The following CTNNA3 variants were observed in gnomAD, a reference collection of about 807,000 sequenced individuals.
CTNNA3 encodes the protein catenin alpha 3, also known as catenin alpha-3.
CTNNA3 carries 76 observed loss-of-function variants against 95.7 expected under a neutral mutation model. The observed-to-expected ratio is 0.79, with a 90% confidence interval of 0.66 to 0.96. The LOEUF is 0.96. Among genes scored for constraint, CTNNA3 ranks in the 40% least tolerant of loss-of-function variants. The pLI is 0.00. For missense variants in CTNNA3, 1,191 were observed against 1,089.8 expected (o/e 1.09, Z -1.31); for synonymous variants, 431 against 374.4 (o/e 1.15, Z -1.74).
intron 13 of CTNNA3, among the ~76,000 whole-genome samples, chr10:66,226,573 T>C (rs928345132): frequency 5.4e-5 from 8 of 149,118 alleles, no homozygotes; most frequent in Non-Finnish European, 1.0e-4. Context: ...GGATTTTTTT[T>C]CCTTTTTTTT....
chr10:65,972,908 A>AGG lies in CTNNA3; in HGVS notation c.2266-6163_2266-6162insCC, dbSNP rs1489384669. On this transcript the variant is annotated intron_variant, in intron 16 of 17. Transcript: ENST00000433211. ...TAGACAAGCAATCCTAAGGGGGAAA[A>AGG]AAAAAAAAAAAAAAGAAGCCAGAGG... 7.0e-3 allele frequency among the ~76,000 whole-genome samples: 1,005 copies of AGG among 144,028 alleles called. 15 individuals carry two copies. The highest frequency in any genetic ancestry group is 0.025 in the African/African-American group (902 of 35,886). 94.5% of individuals were successfully genotyped at this position (144,028 alleles called of 152,430 possible). A position where few individuals can be genotyped will look rare whatever the true frequency, so the allele number is the denominator to read the frequency against.
chr10:66,271,021 A>G (rs560016375), intron 13 of CTNNA3, among the ~76,000 whole-genome samples: 3 of 152,284 alleles, frequency 2.0e-5, no homozygotes, highest in Admixed American at 2.0e-4. Context: ...ATGGTATAAA[A>G]ACATTGAGCT....
intron 5 of CTNNA3, among the ~76,000 whole-genome samples, chr10:67,246,782 G>A (rs746333248): frequency 6.6e-6 from 1 of 152,070 alleles, no homozygotes; most frequent in African/African-American, 2.4e-5. Context: ...ATTAAATAGG[G>A]AAAAATTCCT....
At chr10:66,144,513 G>A (rs1224695030) in intron 13 of CTNNA3, among the ~76,000 whole-genome samples, 1 of 151,446 alleles carries the variant, frequency 6.6e-6, no homozygotes. Context: ...TTGAGACAGA[G>A]TTTCGCTCGT....
intron 12 of CTNNA3, among the ~76,000 whole-genome samples, chr10:66,307,411 G>A (rs2091949658): frequency 6.6e-6 from 1 of 152,112 alleles, no homozygotes; most frequent in Non-Finnish European, 1.5e-5. Flanking sequence ...AATTAGACTT[G>A]TTCCACAAAC....
At chr10:66,261,277 A>T in intron 13 of CTNNA3, among the ~76,000 whole-genome samples, 1 of 152,134 alleles carries the variant, frequency 6.6e-6, no homozygotes, top group Non-Finnish European at 1.5e-5. Context: ...CAGTACATTT[A>T]AATTATTTCC....
intron 7 of CTNNA3, among the ~76,000 whole-genome samples, chr10:66,967,419 T>C (rs1849489845): frequency 6.6e-6 from 1 of 151,836 alleles, no homozygotes; most frequent in African/African-American, 2.4e-5. Flanking sequence ...CACATGCATA[T>C]ATATATACAC....
At chr10:66,905,483 A>G (rs1389500678) in intron 7 of CTNNA3, among the ~76,000 whole-genome samples, 1 of 152,180 alleles carries the variant, frequency 6.6e-6, no homozygotes, top group Non-Finnish European at 1.5e-5. Context: ...ACAAACCTAC[A>G]TGTTGTACAC....
intron 7 of CTNNA3, among the ~76,000 whole-genome samples, chr10:66,901,148 A>AAAGGAAGCCCATCAAACT (rs1324807876): frequency 3.9e-5 from 6 of 152,234 alleles, no homozygotes; most frequent in Non-Finnish European, 7.3e-5. Context: ...GTTACCCACA[A>AAAGGAAGCCCATCAAACT]AAGGAAGCCC....
intron 12 of CTNNA3, among the ~76,000 whole-genome samples, chr10:66,344,297 G>A (rs894513839): frequency 6.6e-6 from 1 of 150,498 alleles, no homozygotes; most frequent in African/African-American, 2.4e-5. Context: ...AAAGAGTCTC[G>A]CTCTTGTCAC....
upstream of CTNNA3, among the ~76,000 whole-genome samples, chr10:67,697,646 A>G (rs1840992280): frequency 6.6e-6 from 1 of 152,258 alleles, no homozygotes; most frequent in Admixed American, 6.5e-5. Flanking sequence ...TGAACTCTTC[A>G]GAGATGCAAT....
At chr10:66,557,590 TG>T (rs1348034242) in intron 10 of CTNNA3, among the ~76,000 whole-genome samples, 1 of 152,150 alleles carries the variant, frequency 6.6e-6, no homozygotes, top group Non-Finnish European at 1.5e-5. Context: ...GTAGGATTTT[TG>T]TTTCTCTCAA....
Position 67,576,216 on chromosome 10 carries a change from C to T in CTNNA3, c.292+30641G>A, listed in dbSNP as rs543271008. Among the ~76,000 whole-genome samples, 20 of 152,168 alleles carry T rather than the reference C, an allele frequency of 1.3e-4. 1 individual carries two copies. In the South Asian group the frequency reaches 3.7e-3, roughly 28 times the overall value. On this transcript the variant is annotated intron_variant, in intron 3 of 17. Transcript: ENST00000433211. ...TTTAAAAGCATGAAGCTTCTGAAGGCCATTTCCTGGGCAGGTTTCTGTAAA... is the reference window on the plus strand; with the variant it reads ...TTTAAAAGCATGAAGCTTCTGAAGGTCATTTCCTGGGCAGGTTTCTGTAAA...
rs1176919938 is a variant in CTNNA3, at chr10:67,538,157, T to TAAAAAAAAAAAAAAAAAAA, written c.459+1327_459+1345dup. ...CCCTTTCCTAAAAAGCTACTTAAAC[T>TAAAAAAAAAAAAAAAAAAA]AAAAAAAAAAAAAAAAAAAAAAAGG... On this transcript the variant is annotated intron_variant, in intron 4 of 17. Coordinates refer to ENST00000433211, the MANE Select transcript of CTNNA3 (RefSeq NM_013266.4). Among the ~76,000 whole-genome samples the TAAAAAAAAAAAAAAAAAAA allele has an allele frequency of 1.0e-4, 6 of 59,190 alleles. 1 individual carries two copies. The highest frequency in any genetic ancestry group is 3.8e-4 in the Admixed American group (2 of 5,226). 38.8% of individuals were successfully genotyped at this position (59,190 alleles called of 152,430 possible).
At chr10:67,753,179 T>C (rs916605521) in intron 1 of CTNNA3, among the ~76,000 whole-genome samples, 119 of 152,040 alleles carry the variant, frequency 7.8e-4, no homozygotes, top group African/African-American at 2.8e-3. Flanking sequence ...ACATCTACAA[T>C]CATCTGACAT....
intron 7 of CTNNA3, among the ~76,000 whole-genome samples, chr10:66,819,151 T>C (rs942258676): frequency 2.9e-5 from 4 of 138,934 alleles, no homozygotes; most frequent in African/African-American, 1.1e-4. Flanking sequence ...ATCAAATAGA[T>C]CAATAGAATA....
intron 12 of CTNNA3, among the ~76,000 whole-genome samples, chr10:66,360,763 CCTT>C (rs2092659332): frequency 1.1e-5 from 1 of 94,086 alleles, no homozygotes; most frequent in Non-Finnish European, 2.1e-5. Context: ...TTCCTTCCTT[CCTT>C]CCTTTTCTTT....
At chr10:67,498,756 A>G (rs1839126281) in intron 5 of CTNNA3, among the ~76,000 whole-genome samples, 1 of 152,106 alleles carries the variant, frequency 6.6e-6, no homozygotes, top group Non-Finnish European at 1.5e-5. Context: ...GGCATATAGG[A>G]ATGCTTGTGA....
At chr10:67,300,552 T>C (rs770135898) in intron 5 of CTNNA3, among the ~76,000 whole-genome samples, 6 of 152,356 alleles carry the variant, frequency 3.9e-5, no homozygotes, top group Non-Finnish European at 7.3e-5. Flanking sequence ...TGTGAATTCC[T>C]TCCTCTAGAG....
Sources: allele counts gnomAD v4.1 joint callset (sites outside exome capture counted in the v4.1 genomes callset), GRCh38; gene constraint gnomAD v4.1.1; transcripts MANE v1.5; gene names NCBI Gene and HGNC (gene_info 2026-07-23, HGNC 2026-07-21).